The following FHIT variants were observed in gnomAD, a reference collection of about 807,000 sequenced individuals.
FHIT encodes fragile histidine triad diadenosine triphosphatase, also known as bis(5'-adenosyl)-triphosphatase.
A neutral mutation model predicts 17.9 loss-of-function variants in FHIT; 19 were observed. The ratio of observed to expected loss-of-function variants is 1.06; its 90% CI spans 0.74 to 1.56. The LOEUF (loss-of-function observed/expected upper bound fraction) is 1.56, where lower values mean the gene tolerates loss of function less well. FHIT is among the 40% of genes most tolerant of loss of function. The probability of loss-of-function intolerance (pLI) is 0.00; values close to 1 mark genes in which losing one functional copy is unlikely to be tolerated. For synonymous variants in FHIT, 81 were observed against 69.7 expected (o/e 1.16, Z -0.81); for missense variants, 248 against 189.2 (o/e 1.31, Z -1.82).
intron 7 of FHIT, among the ~76,000 whole-genome samples, chr3:60,010,426 A>G (rs771652871): frequency 2.6e-5 from 4 of 152,236 alleles, no homozygotes; most frequent in Admixed American, 6.5e-5. Flanking sequence ...TTGTATTTTA[A>G]AAGTCCCAGA....
chr3:60,549,201 A>G (rs2036466560), intron 4 of FHIT, among the ~76,000 whole-genome samples: 3 of 152,214 alleles, frequency 2.0e-5, no homozygotes, highest in African/African-American at 2.4e-5. Context: ...ATGGTATGTA[A>G]TGGTTACATA....
chr3:59,952,349 C>G (rs1181958814), intron 7 of FHIT, among the ~76,000 whole-genome samples: 1 of 152,206 alleles, frequency 6.6e-6, no homozygotes, highest in African/African-American at 2.4e-5. Flanking sequence ...AAGCCAGTAT[C>G]CCAGACACAG....
At chr3:61,218,253 C>G (rs1210038784) in intron 1 of FHIT, among the ~76,000 whole-genome samples, 3 of 151,960 alleles carry the variant, frequency 2.0e-5, no homozygotes, top group Admixed American at 2.0e-4. Context: ...AGGATGAATC[C>G]TACATAAGAG....
chr3:60,838,455 G>C (rs1267887879), intron 3 of FHIT, among the ~76,000 whole-genome samples: 1 of 152,208 alleles, frequency 6.6e-6, no homozygotes, highest in Non-Finnish European at 1.5e-5. Flanking sequence ...CTGGGCGACA[G>C]AGCAAGACTC....
chr3:60,449,498 T>C (rs145323550), intron 5 of FHIT, among the ~76,000 whole-genome samples: 3 of 152,068 alleles, frequency 2.0e-5, no homozygotes, highest in East Asian at 1.9e-4. Flanking sequence ...GGGAAATGCA[T>C]TGTTAGGCTA....
At chr3:60,287,327 C>A (rs1707771761) in intron 5 of FHIT, among the ~76,000 whole-genome samples, 1 of 152,110 alleles carries the variant, frequency 6.6e-6, no homozygotes, top group Admixed American at 6.5e-5. Flanking sequence ...CGCCACCACA[C>A]CCGGCTAATT....
chr3:60,939,754 C>G (rs1553774030), intron 3 of FHIT, among the ~76,000 whole-genome samples: 1 of 152,052 alleles, frequency 6.6e-6, no homozygotes, highest in African/African-American at 2.4e-5. Flanking sequence ...CTTTCTTCAA[C>G]AATTGCATAA....
intron 5 of FHIT, among the ~76,000 whole-genome samples, chr3:60,147,897 G>A (rs540296711): frequency 1.6e-4 from 25 of 152,214 alleles, no homozygotes; most frequent in South Asian, 8.3e-4. Flanking sequence ...CAAGTGCTTC[G>A]CCAGGCCACT....
chr3:60,459,792 C>G (rs1341987260), intron 5 of FHIT, among the ~76,000 whole-genome samples: 1 of 152,166 alleles, frequency 6.6e-6, no homozygotes, highest in Non-Finnish European at 1.5e-5. Flanking sequence ...TCATTAACAG[C>G]ATTCCTGCAA....
chr3:60,721,417 C>G (rs1188832740), intron 4 of FHIT, among the ~76,000 whole-genome samples: 1 of 152,162 alleles, frequency 6.6e-6, no homozygotes, highest in South Asian at 2.1e-4. Flanking sequence ...CACACATACA[C>G]TGCCTTGGTT....
intron 5 of FHIT, among the ~76,000 whole-genome samples, chr3:60,142,413 T>C (rs1282347207): frequency 1.3e-5 from 2 of 152,212 alleles, no homozygotes; most frequent in African/African-American, 4.8e-5. Context: ...GGGCTAATAG[T>C]GGTAGTAAAT....
At chr3:61,092,780 A>AT (rs1019364530) in intron 2 of FHIT, among the ~76,000 whole-genome samples, 3 of 152,194 alleles carry the variant, frequency 2.0e-5, no homozygotes, top group Admixed American at 6.5e-5. Context: ...TGTTTTGGTA[A>AT]TTTTTTTGTG....
intron 5 of FHIT, among the ~76,000 whole-genome samples, chr3:60,396,647 G>A (rs984049262): frequency 3.3e-5 from 5 of 152,140 alleles, no homozygotes; most frequent in African/African-American, 1.2e-4. Flanking sequence ...TGGAGTGGAT[G>A]GGAGAATGAG....
At chr3:59,848,998 G>C (rs565583483) in intron 8 of FHIT, among the ~76,000 whole-genome samples, 2 of 152,242 alleles carry the variant, frequency 1.3e-5, no homozygotes, top group East Asian at 3.9e-4. Context: ...TTCCATTTAG[G>C]ACAGTACTCT....
Position 60,089,418 on chromosome 3 carries a change from C to T in FHIT, c.104-75266G>A, listed in dbSNP as rs191068023. Among the ~76,000 whole-genome samples, 655 of 152,166 alleles carry T rather than the reference C, an allele frequency of 4.3e-3. 13 individuals are homozygous for T. Among genetic ancestry groups the T allele is most frequent in the Non-Finnish European group, 2.7e-3 (183 of 68,008 alleles). ...CCATTGTTGTACATCCACTACACAG[C>T]ACAGAGTAGATGAAGCTCAACAAAT... On this transcript the variant is annotated intron_variant, in intron 5 of 9. Transcript: ENST00000492590.
chr3:61,217,342 T>A (rs575867770), intron 1 of FHIT, among the ~76,000 whole-genome samples: 1 of 152,078 alleles, frequency 6.6e-6, no homozygotes, highest in Non-Finnish European at 1.5e-5. Context: ...AGCTAGGGGC[T>A]GGGATCATCT....
chr3:60,263,264 T>C (rs1488387495), intron 5 of FHIT, among the ~76,000 whole-genome samples: 1 of 151,978 alleles, frequency 6.6e-6, no homozygotes, highest in Non-Finnish European at 1.5e-5. Flanking sequence ...AAAACTGATA[T>C]AACCATTTTA....
At position 59,893,539 on chromosome 3, in the gene FHIT, G is replaced by A. The variant is rs188472295; in HGVS notation, c.348+28807C>T. Among the ~76,000 whole-genome samples, 12 of 152,332 alleles carry A rather than the reference G, an allele frequency of 7.9e-5. No homozygotes were observed. The East Asian group carries it at 2.3e-3, about 29-fold the overall frequency. Reference sequence around the variant, plus strand: ...AGAATGTCCCCAAGGGTGAAAGTCTGGGACCAGCAATATGGCAACATTATA... The same window carrying A: ...AGAATGTCCCCAAGGGTGAAAGTCTAGGACCAGCAATATGGCAACATTATA... On this transcript the variant is annotated intron_variant, in intron 8 of 9. Transcript: ENST00000492590.
intron 4 of FHIT, among the ~76,000 whole-genome samples, chr3:60,675,243 A>G (rs1252835209): frequency 1.3e-5 from 2 of 152,220 alleles, no homozygotes; most frequent in African/African-American, 2.4e-5. Flanking sequence ...GAAAACTAAA[A>G]TGCTTTAGTA....
Sources: gnomAD v4.1 joint callset for allele counts (sites outside exome capture counted in the v4.1 genomes callset) on GRCh38, gnomAD v4.1.1 for gene constraint, MANE v1.5 for transcripts, NCBI Gene and HGNC (gene_info 2026-07-23, HGNC 2026-07-21) for gene names.